The following SMPDL3A variants were observed in gnomAD, a reference collection of about 807,000 sequenced individuals.
SMPDL3A encodes sphingomyelin phosphodiesterase acid like 3A.
Under a neutral mutation model 38.5 loss-of-function variants are expected in SMPDL3A, and 39 were observed. The observed-to-expected ratio is 1.01, with a 90% CI of 0.78 to 1.32. The LOEUF is 1.32. Ranked by LOEUF, SMPDL3A falls within the 40% of genes most tolerant of loss-of-function variation. The pLI, the probability that SMPDL3A is intolerant of heterozygous loss-of-function variation, is 0.00. For missense variants in SMPDL3A, 502 were observed against 536.2 expected (o/e 0.94, Z 0.63); for synonymous variants, 180 against 194.3 (o/e 0.93, Z 0.61).
rs141384715 is a variant in SMPDL3A at position 122,803,678 on chromosome 6, C to T, written c.583C>T (p.Gln195Ter). 3.2e-5 allele frequency: 51 copies of T among 1,611,406 alleles called. No individual in the cohort carries two copies. In the Admixed American group the frequency reaches 4.0e-4, roughly 13 times the overall value. ...STLRKGGFYS[Q>*]KVTTNPNLRI... ...TGTTTTTATAGGTGGTTTTTATTCA[C>T]AGAAAGTTACAACTAATCCAAACCT... Residue 195 changes from glutamine (Q) to a stop codon, truncating the protein, a stop_gained, in exon 5 of 8, where the codon CAG (glutamine) becomes TAG (stop). Coordinates refer to ENST00000368440, the MANE Select transcript of SMPDL3A (RefSeq NM_006714.5). LOFTEE classifies it high-confidence loss of function.
At position 122,804,899 on chromosome 6, in the gene SMPDL3A, C is replaced by T. The variant is rs1277564984; in HGVS notation, c.739-10C>T. On this transcript the variant is annotated splice_polypyrimidine_tract_variant and intron_variant, in intron 5 of 7. Transcript: ENST00000368440. ...ATTCTCATGAGGCCTTTTTGTGTTT[C>T]TTTTTCCAGGTGTATATCATAGCAC... The T allele has an allele frequency of 1.9e-6, 3 of 1,581,928 alleles. No individual in the cohort carries two copies. Among genetic ancestry groups the T allele is most frequent in the Admixed American group, 3.8e-5 (2 of 52,806 alleles).
At chr6:122,794,352 C>G (rs1022021400) in intron 1 of SMPDL3A, among the ~76,000 whole-genome samples, 1 of 152,062 alleles carries the variant, frequency 6.6e-6, no homozygotes, top group Non-Finnish European at 1.5e-5. Flanking sequence ...AATCCCAGCA[C>G]TTTAGGAGGC....
chr6:122,805,346 C>T (rs1244395614), intron 6 of SMPDL3A, among the ~76,000 whole-genome samples: 1 of 152,192 alleles, frequency 6.6e-6, no homozygotes, highest in African/African-American at 2.4e-5. Context: ...AACACAAAAG[C>T]CTCAGAAACC....
rs368369859 is a variant in SMPDL3A at position 122,803,844 on chromosome 6, T to A, written c.738+11T>A. 1.2e-6 allele frequency: 2 copies of A among 1,611,564 alleles called. No homozygotes were observed. Among genetic ancestry groups the A allele is most frequent in the Admixed American group, 3.4e-5 (2 of 59,664 alleles). On this transcript the variant is annotated intron_variant, in intron 5 of 7. Transcript: ENST00000368440. ...CAGAATAAGGAGAAGGTAGATCCCA[T>A]AGACCAAAACCATCTGGGAATAAAC...
intron 4 of SMPDL3A, among the ~76,000 whole-genome samples, chr6:122,801,780 G>A (rs1360061685): frequency 6.6e-6 from 1 of 152,234 alleles, no homozygotes; most frequent in East Asian, 1.9e-4. Context: ...AAAACAAAGA[G>A]CTGGTAAAGT....
intron 7 of SMPDL3A, among the ~76,000 whole-genome samples, chr6:122,807,092 G>T (rs1002878894): frequency 1.4e-5 from 2 of 138,052 alleles, no homozygotes; most frequent in African/African-American, 2.6e-5. Flanking sequence ...GGGGGGGGGG[G>T]GTCTCCCTAT....
At chr6:122,792,595 A>G (rs1038829408) in intron 1 of SMPDL3A, among the ~76,000 whole-genome samples, 3 of 148,944 alleles carry the variant, frequency 2.0e-5, no homozygotes, top group Admixed American at 2.0e-4. Context: ...CAGTATCTCG[A>G]GTGTAGATAT....
chr6:122,797,532 C>T (rs760969637), intron 3 of SMPDL3A, among the ~76,000 whole-genome samples: 1 of 152,038 alleles, frequency 6.6e-6, no homozygotes, highest in Non-Finnish European at 1.5e-5. Flanking sequence ...CCTGAGATAC[C>T]CCCGGCTCAA....
intron 1 of SMPDL3A, 96 bp downstream of exon 1, chr6:122,789,554 C>G (rs1008928236): frequency 8.8e-7 from 1 of 1,137,936 alleles, no homozygotes. Flanking sequence ...GGCAGCTGCC[C>G]CCGGCAGAGG....
chr6:122,806,048 T>A (rs184518066), intron 6 of SMPDL3A, among the ~76,000 whole-genome samples, 185 bp from the exon 7 acceptor site: 4 of 152,348 alleles, frequency 2.6e-5, no homozygotes, highest in African/African-American at 9.6e-5. Context: ...TTATCTGGTA[T>A]CAATAACAAA....
intron 1 of SMPDL3A, among the ~76,000 whole-genome samples, chr6:122,790,234 C>G (rs1482135323): frequency 6.6e-6 from 1 of 152,176 alleles, no homozygotes; most frequent in East Asian, 1.9e-4. Context: ...CCTACTGAAT[C>G]TGAAACGCCG....
At chr6:122,799,817 A>G in intron 3 of SMPDL3A, among the ~76,000 whole-genome samples, 1 of 152,208 alleles carries the variant, frequency 6.6e-6, no homozygotes. Context: ...AACTCCTCTC[A>G]GAAATAGGTC....
At chr6:122,808,639 CT>C (rs1562357837) in intron 7 of SMPDL3A, among the ~76,000 whole-genome samples, 7 of 58,022 alleles carry the variant, frequency 1.2e-4, no homozygotes, top group African/African-American at 4.4e-4. Flanking sequence ...TCCTTCCTTC[CT>C]TCCCCCCCTC....
intron 4 of SMPDL3A, among the ~76,000 whole-genome samples, chr6:122,803,147 C>T (rs869480): frequency 0.83 from 126,185 of 151,886 alleles, 53,128 homozygotes; most frequent in East Asian, 0.99. Flanking sequence ...GGGTGTCCCA[C>T]CACCAGTGGT....
rs912146827 is a variant in SMPDL3A at position 122,801,165 on chromosome 6, A to G, written c.472-145A>G. ...TTATCCCCCAGTCTCCAACTAAGTT[A>G]TAATTCCTTGAAGATGAAGTCTATC... is the stretch of plus-strand genomic sequence containing the variant. On this transcript the variant is annotated intron_variant, in intron 3 of 7. Coordinates refer to ENST00000368440, the MANE Select transcript of SMPDL3A (RefSeq NM_006714.5). 4 of 633,554 alleles carry G rather than the reference A, an allele frequency of 6.3e-6. No homozygotes were observed. In the African/African-American group the frequency reaches 7.4e-5, roughly 12 times the overall value. The allele number at this position is 633,554 out of a possible 1,614,324, so 39.2% of individuals were successfully genotyped here.
At chr6:122,802,990 C>T (rs952427965) in intron 4 of SMPDL3A, among the ~76,000 whole-genome samples, 1 of 152,126 alleles carries the variant, frequency 6.6e-6, no homozygotes, top group Admixed American at 6.5e-5. Context: ...GTTGTGACTA[C>T]AAGAAAGAAT....
chr6:122,793,447 C>T (rs767444379), intron 1 of SMPDL3A, among the ~76,000 whole-genome samples: 4 of 152,180 alleles, frequency 2.6e-5, no homozygotes, highest in Non-Finnish European at 5.9e-5. Flanking sequence ...ATTTACTATA[C>T]CCTTACATTC....
intron 3 of SMPDL3A, among the ~76,000 whole-genome samples, chr6:122,797,719 A>C: frequency 6.6e-6 from 1 of 152,218 alleles, no homozygotes; most frequent in Non-Finnish European, 1.5e-5. Flanking sequence ...TTTTGTAAAT[A>C]AAGTTTTATT....
At chr6:122,801,042 C>T (rs1279170514) in intron 3 of SMPDL3A, among the ~76,000 whole-genome samples, 1 of 152,198 alleles carries the variant, frequency 6.6e-6, no homozygotes, top group African/African-American at 2.4e-5. Flanking sequence ...TGAGCCACTG[C>T]ACCTGGCCCT....
Sources: gnomAD v4.1 joint callset for allele counts (sites outside exome capture counted in the v4.1 genomes callset) on GRCh38, gnomAD v4.1.1 for gene constraint, MANE v1.5 for transcripts, NCBI Gene and HGNC (gene_info 2026-07-23, HGNC 2026-07-21) for gene names.